The following LAMA2 variants were observed in gnomAD, a reference collection of about 807,000 sequenced individuals.
LAMA2 encodes laminin subunit alpha 2.
In LAMA2, 269 loss-of-function variants were observed where a neutral mutation model predicts 364.8. The observed-to-expected ratio is 0.74, with a 90% CI of 0.67 to 0.82. The LOEUF (loss-of-function observed/expected upper bound fraction) is 0.82. Among genes scored for constraint, LAMA2 ranks in the 40% least tolerant of loss-of-function variants. The probability of loss-of-function intolerance (pLI) is 0.00; values close to 1 mark genes in which losing one functional copy is unlikely to be tolerated. For missense variants in LAMA2, 3,807 were observed against 3,873.2 expected (o/e 0.98, Z 0.45); for synonymous variants, 1,379 against 1,370.6 (o/e 1.01, Z -0.14).
At chr6:129,396,183 T>G (rs1206891167) in intron 37 of LAMA2, among the ~76,000 whole-genome samples, 1 of 152,206 alleles carries the variant, frequency 6.6e-6, no homozygotes, top group African/African-American at 2.4e-5. Context: ...TATCTACATA[T>G]CTGTCAGGTA....
chr6:128,985,718 T>C (rs1783190129), intron 1 of LAMA2, among the ~76,000 whole-genome samples: 1 of 152,138 alleles, frequency 6.6e-6, no homozygotes, highest in Admixed American at 6.5e-5. Context: ...TGTTCTCCTT[T>C]CCCACTGGAA....
chr6:129,107,292 C>T (rs538787936), intron 4 of LAMA2, among the ~76,000 whole-genome samples: 2 of 152,098 alleles, frequency 1.3e-5, no homozygotes, highest in South Asian at 2.1e-4. Flanking sequence ...TCTCTTTAAC[C>T]TCTACGATAT....
intron 9 of LAMA2, among the ~76,000 whole-genome samples, chr6:129,171,379 A>G (rs1780142771): frequency 6.6e-6 from 1 of 152,108 alleles, no homozygotes; most frequent in Non-Finnish European, 1.5e-5. Context: ...GGTGGTGACA[A>G]AATCTCTCAG....
At chr6:129,512,255 T>G (rs549919779) in intron 62 of LAMA2, 108 bp from the exon 63 acceptor site, 62 of 1,077,812 alleles carry the variant, frequency 5.8e-5, no homozygotes, top group East Asian at 3.1e-4. Context: ...CTCATTAGAA[T>G]TAGCTAGCAT....
At chr6:129,048,685 G>A (rs1448440603) in intron 1 of LAMA2, among the ~76,000 whole-genome samples, 2 of 150,124 alleles carry the variant, frequency 1.3e-5, no homozygotes, top group Non-Finnish European at 3.0e-5. Flanking sequence ...TGTGATCTCA[G>A]CTCACTGCAA....
Position 128,916,233 on chromosome 6 carries a change from CA to C in LAMA2, c.112+32883del, listed in dbSNP as rs574395091. On this transcript the variant is annotated intron_variant, in intron 1 of 64. Transcript: ENST00000421865. ...ACAACAAAAAAAACAAAAACAAAAACAAAAAAACTATTTGGCAAATTGGGAT... is the reference window on the plus strand; with the variant it reads ...ACAACAAAAAAAACAAAAACAAAAACAAAAAACTATTTGGCAAATTGGGAT... 3.8e-3 allele frequency among the ~76,000 whole-genome samples: 579 copies of C among 151,948 alleles called. 4 individuals carry two copies. The highest frequency in any genetic ancestry group is 0.013 in the African/African-American group (555 of 41,484).
intron 1 of LAMA2, among the ~76,000 whole-genome samples, chr6:128,919,194 A>T (rs1778536705): frequency 6.6e-6 from 1 of 152,078 alleles, no homozygotes; most frequent in Admixed American, 6.6e-5. Flanking sequence ...ATCATGAGGC[A>T]CTCATTGGGA....
intron 49 of LAMA2, 43 bp from the exon 50 acceptor site, chr6:129,464,247 G>A (rs199525316): frequency 6.3e-5 from 98 of 1,554,908 alleles, no homozygotes; most frequent in East Asian, 1.1e-4. Flanking sequence ...ATGACAGACT[G>A]AATAGATATG....
At chr6:129,019,443 T>C (rs1785275788) in intron 1 of LAMA2, among the ~76,000 whole-genome samples, 1 of 151,796 alleles carries the variant, frequency 6.6e-6, no homozygotes, top group Non-Finnish European at 1.5e-5. Context: ...ATTTCTCTCA[T>C]ATTTTCAGTA....
At chr6:128,946,581 A>G (rs947164462) in intron 1 of LAMA2, among the ~76,000 whole-genome samples, 5 of 152,242 alleles carry the variant, frequency 3.3e-5, no homozygotes, top group African/African-American at 9.6e-5. Flanking sequence ...TTCAACCGTC[A>G]TAAATTGATG....
chr6:129,278,236 A>C (rs560528201), intron 17 of LAMA2, among the ~76,000 whole-genome samples: 28 of 152,328 alleles, frequency 1.8e-4, no homozygotes, highest in African/African-American at 6.3e-4. Context: ...TAAAAATGTC[A>C]GAAGCCTTGT....
At chr6:129,051,732 A>G (rs1195470181) in intron 2 of LAMA2, among the ~76,000 whole-genome samples, 5 of 151,274 alleles carry the variant, frequency 3.3e-5, no homozygotes, top group Non-Finnish European at 4.4e-5. Context: ...ATAGATATAT[A>G]GAGGCCAGAA....
chr6:129,075,107 A>G (rs1194846602), intron 3 of LAMA2, among the ~76,000 whole-genome samples: 1 of 152,230 alleles, frequency 6.6e-6, no homozygotes, highest in Non-Finnish European at 1.5e-5. Context: ...ATAAGATTAT[A>G]GACGGTGATG....
intron 35 of LAMA2, among the ~76,000 whole-genome samples, chr6:129,391,197 T>TA (rs558964886): frequency 8.7e-4 from 132 of 152,310 alleles, no homozygotes; most frequent in South Asian, 6.2e-3. Context: ...TTTAAACTCT[T>TA]ACCTGAGTAT....
At chr6:129,100,020 C>G (rs1462767854) in intron 4 of LAMA2, among the ~76,000 whole-genome samples, 1 of 152,098 alleles carries the variant, frequency 6.6e-6, no homozygotes, top group Non-Finnish European at 1.5e-5. Flanking sequence ...ACTAATAATT[C>G]TCAAACAATT....
At chr6:129,420,707 T>C (rs899280740) in intron 40 of LAMA2, among the ~76,000 whole-genome samples, 16 of 152,116 alleles carry the variant, frequency 1.1e-4, no homozygotes, top group African/African-American at 3.6e-4. Flanking sequence ...TTGGGGAACA[T>C]TTAGGAAAAA....
chr6:129,111,431 T>A (rs1776152457), intron 4 of LAMA2, among the ~76,000 whole-genome samples: 1 of 152,014 alleles, frequency 6.6e-6, no homozygotes, highest in Non-Finnish European at 1.5e-5. Flanking sequence ...GTAAATTTGT[T>A]CTTTAGCTTC....
At chr6:129,185,585 A>G (rs956670887) in intron 10 of LAMA2, among the ~76,000 whole-genome samples, 1 of 151,836 alleles carries the variant, frequency 6.6e-6, no homozygotes, top group African/African-American at 2.4e-5. Context: ...ATGTAAAGGC[A>G]AACATTCACA....
chr6:129,181,100 A>T (rs1198310993), intron 10 of LAMA2, among the ~76,000 whole-genome samples: 1 of 152,150 alleles, frequency 6.6e-6, no homozygotes, highest in African/African-American at 2.4e-5. Context: ...GTAGGACCGA[A>T]TCCCCAAACC....
Sources: gnomAD v4.1 joint callset for allele counts (sites outside exome capture counted in the v4.1 genomes callset) on GRCh38, gnomAD v4.1.1 for gene constraint, MANE v1.5 for transcripts, NCBI Gene and HGNC (gene_info 2026-07-23, HGNC 2026-07-21) for gene names.